SHMT1: variants seen among roughly 807,000 people sequenced by gnomAD.
The protein encoded by SHMT1 is serine hydroxymethyltransferase, cytosolic.
In SHMT1, 45 loss-of-function variants were observed where a neutral mutation model predicts 49.0. That is an observed-to-expected ratio of 0.92 (90% CI 0.72 to 1.18). The LOEUF is 1.18. Ranked by LOEUF, SHMT1 falls within the 50% of genes most tolerant of loss-of-function variation. The pLI, the probability that SHMT1 is intolerant of heterozygous loss-of-function variation, is 0.00. For synonymous variants in SHMT1, 232 were observed against 246.6 expected (o/e 0.94, Z 0.55); for missense variants, 541 against 612.4 (o/e 0.88, Z 1.23).
In SHMT1 at chr17:18,330,562, G is replaced by A; in HGVS notation, c.1164C>T (p.Thr388=). The A allele has an allele frequency of 6.2e-7, 1 of 1,605,526 alleles. No individual in the cohort carries two copies. Among genetic ancestry groups the A allele is most frequent in the Non-Finnish European group, 8.5e-7 (1 of 1,172,070 alleles). Residue 388 remains threonine, a synonymous_variant, in exon 10 of 12, where the codon ACC becomes ACT. Coordinates refer to ENST00000316694, the MANE Select transcript of SHMT1 (RefSeq NM_004169.5). ...GGCAAGGATGATTCTCACCTGGACAGGTGTTCTTGTTGCAGGCAATAGAAC... is the reference window on the plus strand; with the variant it reads ...GGCAAGGATGATTCTCACCTGGACAAGTGTTCTTGTTGCAGGCAATAGAAC... ...EACSIACNKN[T]CPGDRSALRP...
chr17:18,352,150 C>CT (rs60700438), intron 3 of SHMT1, among the ~76,000 whole-genome samples: 77 of 132,760 alleles, frequency 5.8e-4, no homozygotes, highest in South Asian at 1.7e-3. Context: ...CAGTCCCCTT[C>CT]TTTTTTTTTT....
At chr17:18,338,587 A>G (rs1159888296) in intron 7 of SHMT1, among the ~76,000 whole-genome samples, 4 of 152,392 alleles carry the variant, frequency 2.6e-5, no homozygotes, top group South Asian at 2.1e-4. Flanking sequence ...AGAACAGGCC[A>G]TGATGACGAT....
intron 3 of SHMT1, among the ~76,000 whole-genome samples, chr17:18,350,559 C>A (rs1985577470): frequency 2.0e-5 from 3 of 151,706 alleles, no homozygotes; most frequent in Admixed American, 2.0e-4. Context: ...ATTGCTTGAG[C>A]CCAAGAGTTT....
At chr17:18,355,803 C>A (rs1266536053) in intron 2 of SHMT1, 83 bp downstream of exon 2, 2 of 854,336 alleles carry the variant, frequency 2.3e-6, no homozygotes, top group African/African-American at 3.3e-5. Context: ...TCAAGGCTGT[C>A]CCTAATTAAT....
chr17:18,358,189 G>A (rs1274742938), intron 1 of SHMT1, among the ~76,000 whole-genome samples: 5 of 147,632 alleles, frequency 3.4e-5, no homozygotes, highest in South Asian at 2.2e-4. Context: ...GAAAAACGAC[G>A]TTAGAAAAGT....
intron 5 of SHMT1, among the ~76,000 whole-genome samples, chr17:18,344,650 T>C (rs527375241): frequency 2.6e-5 from 4 of 151,686 alleles, no homozygotes; most frequent in Non-Finnish European, 4.4e-5. Context: ...CAAAGGTTTT[T>C]CTTTTCTTTT....
At position 18,333,214 on chromosome 17, in the gene SHMT1, TGCA is replaced by T; in HGVS notation, c.1003_1005del (p.Cys335del). The T allele has an allele frequency of 6.2e-7, 1 of 1,614,084 alleles. No individual in the cohort carries two copies. The highest frequency in any genetic ancestry group is 8.5e-7 in the Non-Finnish European group (1 of 1,180,000). On this transcript the variant is annotated inframe_deletion, in exon 9 of 12. Transcript: ENST00000316694. ...TCCGTCAGGGCCTCAGACAGAGCCC[TGCA>T]GTTGGCCACCACCTGGTGTTGATAA...
rs1232771409 is a variant in SHMT1 at position 18,340,171 on chromosome 17, A to C, written c.686T>G (p.Met229Arg). The C allele has an allele frequency of 6.2e-7, 1 of 1,614,214 alleles. No homozygotes were observed. The highest frequency in any genetic ancestry group is 1.1e-5 in the South Asian group (1 of 91,088). Residue 229 changes from methionine (M) to arginine (R), a missense_variant, in exon 7 of 12, where the codon ATG becomes AGG. Transcript: ENST00000316694. The surrounding 1 kb of genome is among the most constrained non-coding windows in gnomAD (Gnocchi z 4.5). The stretch of plus-strand genomic sequence containing the variant: ...CGCCACCAGCCCGCTGATGTGAGCC[A>C]TGTCCGCCATGAGATACGCCCCGTT... The part of the protein sequence containing the change: ...DENGAYLMAD[M>R]AHISGLVAAG...
At position 18,333,117 on chromosome 17, in the gene SHMT1, T is replaced by G. The variant is rs757942038; in HGVS notation, c.1054+49A>C. 4 of 1,611,302 alleles carry G rather than the reference T, an allele frequency of 2.5e-6. No individual in the cohort carries two copies. The South Asian group carries it at 4.4e-5, about 18-fold the overall frequency. ...GGTTGCACAAACTGAGAAGCAAGCC[T>G]TAATACAACCACAAGAACAGGCCTG... On this transcript the variant is annotated intron_variant, in intron 9 of 11. Transcript: ENST00000316694.
At chr17:18,338,391 CG>C (rs1984085223) in intron 7 of SHMT1, among the ~76,000 whole-genome samples, 1 of 151,148 alleles carries the variant, frequency 6.6e-6, no homozygotes, top group South Asian at 2.1e-4. Flanking sequence ...CCGCCCCGTC[CG>C]GGAGGGAGGT....
At chr17:18,346,367 C>T (rs904899890) in intron 5 of SHMT1, among the ~76,000 whole-genome samples, 1 of 152,168 alleles carries the variant, frequency 6.6e-6, no homozygotes, top group Non-Finnish European at 1.5e-5. Context: ...TCCCATTATC[C>T]TTCGTTTTTA....
At chr17:18,337,249 C>T (rs1983891720) in intron 7 of SHMT1, among the ~76,000 whole-genome samples, 1 of 152,192 alleles carries the variant, frequency 6.6e-6, no homozygotes, top group Non-Finnish European at 1.5e-5. Flanking sequence ...TAAAGTCATA[C>T]AGCGGGTGTG....
rs946860281 is a variant in SHMT1 at position 18,356,267 on chromosome 17, C to T, written c.-19-267G>A. Among the ~76,000 whole-genome samples, 6 of 152,022 alleles carry T rather than the reference C, an allele frequency of 3.9e-5. No individual in the cohort carries two copies. In the East Asian group the frequency reaches 1.2e-3, roughly 29 times the overall value. ...CTGTGTTAGCCAGGATGGTCTCAAT[C>T]TCCTGACCTTGTCATCCGCCCACGT... is the stretch of plus-strand genomic sequence containing the variant. On this transcript the variant is annotated intron_variant, in intron 1 of 11. Coordinates refer to ENST00000316694, the MANE Select transcript of SHMT1 (RefSeq NM_004169.5).
intron 1 of SHMT1, among the ~76,000 whole-genome samples, chr17:18,359,056 C>T (rs574981307): frequency 6.6e-6 from 1 of 151,368 alleles, no homozygotes; most frequent in East Asian, 2.0e-4. Flanking sequence ...AAGTTCGAGA[C>T]CAGCCTGGCC....
intron 1 of SHMT1, among the ~76,000 whole-genome samples, chr17:18,357,099 G>A (rs1986306887): frequency 6.6e-6 from 1 of 151,826 alleles, no homozygotes; most frequent in Non-Finnish European, 1.5e-5. Flanking sequence ...GGCCAACCTG[G>A]TGAAACCCCA....
intron 8 of SHMT1, among the ~76,000 whole-genome samples, chr17:18,333,970 GCT>G (rs1184998278): frequency 1.3e-5 from 2 of 151,258 alleles, no homozygotes; most frequent in African/African-American, 4.9e-5. Flanking sequence ...ATGGAGTCTC[GCT>G]CTGTCGCTGA....
chr17:18,360,768 G>A (rs1986683913), intron 1 of SHMT1, among the ~76,000 whole-genome samples: 1 of 152,048 alleles, frequency 6.6e-6, no homozygotes, highest in African/African-American at 2.4e-5. Flanking sequence ...AGTGTGACTG[G>A]CCAAGGGTCA....
chr17:18,328,683 A>C lies in SHMT1; in HGVS notation c.*67T>G. The C allele has an allele frequency of 1.3e-6, 2 of 1,523,796 alleles. No individual in the cohort carries two copies. The highest frequency in any genetic ancestry group is 2.4e-5 in the South Asian group (2 of 83,524). The allele number at this position is 1,523,796 out of a possible 1,614,324, so 94.4% of individuals were successfully genotyped here. The stretch of plus-strand genomic sequence containing the variant: ...CTTTGGAGCAGCTCATCCATCTCTC[A>C]GGTGGGGGTCCTCCGGCAGGCAGCT... On this transcript the variant is annotated 3_prime_UTR_variant, in exon 12 of 12. Transcript: ENST00000316694.
chr17:18,357,083 C>T (rs776909684), intron 1 of SHMT1, among the ~76,000 whole-genome samples: 32 of 151,816 alleles, frequency 2.1e-4, no homozygotes, highest in Non-Finnish European at 3.7e-4. Flanking sequence ...AGTTGGAGAC[C>T]ATCCTGGCCA....
Sources: allele counts gnomAD v4.1 joint callset (sites outside exome capture counted in the v4.1 genomes callset), GRCh38; gene constraint gnomAD v4.1.1; non-coding constraint Gnocchi (gnomAD v3.1); transcripts MANE v1.5; gene names NCBI Gene and HGNC (gene_info 2026-07-23, HGNC 2026-07-21).